KRT35: variants seen among roughly 807,000 people sequenced by gnomAD.
KRT35 encodes keratin, type I cuticular Ha5.
Under a neutral mutation model 42.2 loss-of-function variants are expected in KRT35, and 33 were observed. That is an observed-to-expected ratio of 0.78 (90% CI 0.59 to 1.05). The LOEUF (loss-of-function observed/expected upper bound fraction) is 1.05, where lower values mean the gene tolerates loss of function less well. Among genes scored for constraint, KRT35 ranks in the 50% least tolerant of loss-of-function variants. KRT35 has a pLI of 0.00. For synonymous variants in KRT35, 218 were observed against 238.2 expected, an observed-to-expected ratio of 0.92 and a Z score of 0.78; for missense variants, 585 against 589.2, an observed-to-expected ratio of 0.99 and a Z score of 0.07.
chr17:41,478,936 G>T lies in KRT35; in HGVS notation c.771C>A (p.Ala257=). Residue 257 remains alanine, a synonymous_variant, in exon 4 of 7, where the codon GCC becomes GCA. Transcript: ENST00000246639. ...GDRLNVEVDA[A]PPVDLNRVLE... Reference sequence around the variant, plus strand: ...GAACTCGGTTCAGGTCAACAGGTGGGGCAGCGTCCACCTCAACATTGAGGC... The same window carrying T: ...GAACTCGGTTCAGGTCAACAGGTGGTGCAGCGTCCACCTCAACATTGAGGC... The T allele has an allele frequency of 6.2e-7, 1 of 1,613,916 alleles. No individual in the cohort carries two copies. Among genetic ancestry groups the T allele is most frequent in the South Asian group, 1.1e-5 (1 of 91,066 alleles).
intron 2 of KRT35, 94 bp downstream of exon 2, chr17:41,479,605 C>A (rs2019227396): frequency 6.4e-7 from 1 of 1,565,680 alleles, no homozygotes; most frequent in African/African-American, 1.3e-5. Flanking sequence ...GCTTTTATGC[C>A]CCAATGACAG....
intron 6 of KRT35, 79 bp from the exon 7 acceptor site, chr17:41,477,282 A>T: frequency 6.6e-7 from 1 of 1,516,980 alleles, no homozygotes; most frequent in Non-Finnish European, 9.0e-7. Context: ...GACTATGCAA[A>T]CTGGGAAGCA....
chr17:41,478,720 A>G, intron 4 of KRT35, 114 bp downstream of exon 4: 1 of 1,222,184 alleles, frequency 8.2e-7, no homozygotes, highest in South Asian at 1.5e-5. Flanking sequence ...CCTTGTCAGC[A>G]AGGTCAAAAC....
intron 5 of KRT35, 99 bp from the exon 6 acceptor site, chr17:41,477,837 GC>G: frequency 7.0e-7 from 1 of 1,420,048 alleles, no homozygotes; most frequent in South Asian, 1.4e-5. Flanking sequence ...CTCCGTCTCT[GC>G]CAGGGTGGAT....
intron 4 of KRT35, 101 bp from the exon 5 acceptor site, chr17:41,478,587 G>A (rs551825392): frequency 4.3e-6 from 6 of 1,405,778 alleles, no homozygotes; most frequent in Admixed American, 2.0e-5. Context: ...AGACATTCCC[G>A]ATTCCCCAGT....
chr17:41,479,574 T>A, intron 2 of KRT35, 71 bp from the exon 3 acceptor site: 1 of 1,584,422 alleles, frequency 6.3e-7, no homozygotes, highest in Non-Finnish European at 8.6e-7. Context: ...GCCCTCAGAC[T>A]GTCCAGGTGC....
rs778858586 is a variant in KRT35, at chr17:41,478,400, G to A, written c.960C>T (p.Val320=). The A allele has an allele frequency of 6.2e-7, 1 of 1,614,026 alleles. No homozygotes were observed. The highest frequency in any genetic ancestry group is 1.1e-5 in the South Asian group (1 of 91,068). The change falls in exon 5 of 7, where the codon GTC becomes GTT. Residue 320 remains valine, a synonymous_variant. Coordinates refer to ENST00000246639, the MANE Select transcript of KRT35 (RefSeq NM_002280.6). ...QAEIIELRRT[V]NALEIELQAQ... ...CCTGCAGCTCAATCTCCAGGGCGTT[G>A]ACCGTGCGTCTCAGCTCGATGATCT... is the stretch of plus-strand genomic sequence containing the variant.
rs1468058671 is a variant in KRT35 at position 41,480,823 on chromosome 17, A to T, written c.275T>A (p.Ile92Asn). The change falls in exon 1 of 7, where the codon ATC becomes AAC. Residue 92 changes from isoleucine (I) to asparagine (N), a missense_variant. Ile to Asn is a moderately radical substitution (Grantham distance 149, BLOSUM62 -3). Coordinates refer to ENST00000246639, the MANE Select transcript of KRT35 (RefSeq NM_002280.6). The stretch of plus-strand genomic sequence containing the variant: ...GGTCTCCTTCTCATTGCCAGTGAGG[A>T]TGCCCTCCCCAAACCAGCCCCCACC... The part of the protein sequence containing the change: ...SGGGGWFGEG[I>N]LTGNEKETMQ... The T allele has an allele frequency of 6.2e-7, 1 of 1,614,126 alleles. No homozygotes were observed. Among genetic ancestry groups the T allele is most frequent in the Non-Finnish European group, 8.5e-7 (1 of 1,180,022 alleles).
In KRT35 at chr17:41,480,636, G is replaced by A. The variant is rs751983782; in HGVS notation, c.462C>T (p.Leu154=). The change falls in exon 1 of 7, where the codon CTC becomes CTT. Residue 154 remains leucine (L), a synonymous_variant. Transcript: ENST00000246639. The part of the protein sequence containing the change: ...YQSYFRTIEE[L]QKKTLCSKAE... ...ACTCTGAACCTCTTACCTTCTTCTG[G>A]AGCTCCTCGATGGTCCGGAAGTAGG... The A allele has an allele frequency of 9.7e-5, 157 of 1,612,438 alleles. No individual in the cohort carries two copies. The highest frequency in any genetic ancestry group is 1.3e-4 in the Non-Finnish European group (148 of 1,178,706).
In KRT35 at chr17:41,478,867, G is replaced by A. The variant is rs748419209; in HGVS notation, c.840C>T (p.Asn280=). 10 of 1,613,826 alleles carry A rather than the reference G, an allele frequency of 6.2e-6. No homozygotes were observed. The highest frequency in any genetic ancestry group is 8.5e-6 in the Non-Finnish European group (10 of 1,179,938). The change falls in exon 4 of 7, where the codon AAC becomes AAT. Residue 280 remains asparagine (N), a synonymous_variant. Coordinates refer to ENST00000246639, the MANE Select transcript of KRT35 (RefSeq NM_002280.6). ...CCAACCAGTCTTCAGCATCCCGGCG[G>A]TTATTCTCCACCAGGGTTTCATACT... ...RCQYETLVEN[N]RRDAEDWLDT... is the part of the protein sequence containing the mutation.
chr17:41,478,682 A>G, intron 4 of KRT35, 152 bp downstream of exon 4: 1 of 1,033,300 alleles, frequency 9.7e-7, no homozygotes, highest in Non-Finnish European at 1.4e-6. Flanking sequence ...CCTTGTCAGC[A>G]AGGTCAATTG....
At chr17:41,478,771 C>T in intron 4 of KRT35, 63 bp downstream of exon 4, 1 of 1,495,356 alleles carries the variant, frequency 6.7e-7, no homozygotes, top group South Asian at 1.3e-5. Flanking sequence ...TTCAGAGCCC[C>T]AGGGTCACTT....
At position 41,476,946 on chromosome 17, in the gene KRT35, G is replaced by A. The variant is rs1049055085; in HGVS notation, c.*110C>T. 24 of 1,124,142 alleles carry A rather than the reference G, an allele frequency of 2.1e-5. No homozygotes were observed. The Admixed American group carries it at 4.9e-4, about 23-fold the overall frequency. The allele number at this position is 1,124,142 out of a possible 1,614,324, so 69.6% of individuals were successfully genotyped here. On this transcript the variant is annotated 3_prime_UTR_variant, in exon 7 of 7. Transcript: ENST00000246639. ...AGAAAGCCTTTTCAGCCAGACCCTG[G>A]GCCTGGGCTCTGCGCGAAGAGAGGG...
In KRT35 at chr17:41,478,838, G is replaced by A. The variant is rs759091436; in HGVS notation, c.869C>T (p.Thr290Ile). Residue 290 changes from threonine (T) to isoleucine (I), a missense_variant, in exon 4 of 7, where the codon ACC becomes ATC. Thr to Ile is a moderately conservative substitution (Grantham distance 89, BLOSUM62 -1). Transcript: ENST00000246639. ...TGACTGTTTCCAGGTACCTACCTGG[G>A]TGTCCAACCAGTCTTCAGCATCCCG... ...NRRDAEDWLDTQSEELNQQVV... is the reference protein window; with the variant it reads ...NRRDAEDWLDIQSEELNQQVV... 1.2e-6 allele frequency: 2 copies of A among 1,612,772 alleles called. No homozygotes were observed. Among genetic ancestry groups the A allele is most frequent in the East Asian group, 2.2e-5 (1 of 44,862 alleles).
At chr17:41,479,624 C>A in intron 2 of KRT35, 75 bp downstream of exon 2, 1 of 1,568,866 alleles carries the variant, frequency 6.4e-7, no homozygotes, top group Non-Finnish European at 8.8e-7. Context: ...AGAGTACAGC[C>A]AAAACCCTGA....
chr17:41,477,028 T>C lies in KRT35; in HGVS notation c.*28A>G. ...GGCCAAGTTCAAGCCCTGGAGACAA[T>C]AGCCATGGCCATCTGGGTCACCCGC... On this transcript the variant is annotated 3_prime_UTR_variant, in exon 7 of 7. Transcript: ENST00000246639. The C allele has an allele frequency of 6.5e-7, 1 of 1,533,036 alleles. No homozygotes were observed. Among genetic ancestry groups the C allele is most frequent in the East Asian group, 2.3e-5 (1 of 43,942 alleles). 95.0% of individuals were successfully genotyped at this position (1,533,036 alleles called of 1,614,324 possible). A position where few individuals can be genotyped will look rare whatever the true frequency, so the allele number is the denominator to read the frequency against.
Position 41,476,958 on chromosome 17 carries a change from G to T in KRT35, c.*98C>A. On this transcript the variant is annotated 3_prime_UTR_variant, in exon 7 of 7. Coordinates refer to ENST00000246639, the MANE Select transcript of KRT35 (RefSeq NM_002280.6). The stretch of plus-strand genomic sequence containing the variant: ...CAGCCAGACCCTGGGCCTGGGCTCT[G>T]CGCGAAGAGAGGGGATTGGGCTACA... 8.1e-7 allele frequency: 1 copy of T among 1,230,578 alleles called. No individual in the cohort carries two copies. The highest frequency in any genetic ancestry group is 1.1e-6 in the Non-Finnish European group (1 of 888,192). 76.2% of individuals were successfully genotyped at this position (1,230,578 alleles called of 1,614,324 possible).
chr17:41,478,502 A>G lies in KRT35; in HGVS notation c.874-16T>C, dbSNP rs547359372. The G allele has an allele frequency of 1.9e-6, 3 of 1,611,658 alleles. No homozygotes were observed. The highest frequency in any genetic ancestry group is 2.5e-6 in the Non-Finnish European group (3 of 1,178,384). ...GCTCCTCACTCTGAAACATACACAC[A>G]CAGAACCTGGTCAGCCACACCAGGG... On this transcript the variant is annotated splice_polypyrimidine_tract_variant and intron_variant, in intron 4 of 6. Transcript: ENST00000246639.
At position 41,479,417 on chromosome 17, in the gene KRT35, T is replaced by C; in HGVS notation, c.641A>G (p.Lys214Arg). The C allele has an allele frequency of 1.2e-6, 2 of 1,614,160 alleles. No individual in the cohort carries two copies. Among genetic ancestry groups the C allele is most frequent in the Non-Finnish European group, 1.7e-6 (2 of 1,180,014 alleles). The change falls in exon 3 of 7, where the codon AAG (lysine) becomes AGG (arginine). Residue 214 changes from lysine (K) to arginine (R), a missense_variant. Lys to Arg is a conservative substitution (Grantham distance 26). Transcript: ENST00000246639. ...RRILDDLTLC[K>R]SDLEAQVESL... The stretch of plus-strand genomic sequence containing the variant: ...CTCCACCTGGGCCTCCAGGTCAGAC[T>C]TGCACAGGGTCAGGTCATCCAGGAT...
Sources: allele counts gnomAD v4.1 joint callset, GRCh38; gene constraint gnomAD v4.1.1; transcripts MANE v1.5; gene names NCBI Gene and HGNC (gene_info 2026-07-23, HGNC 2026-07-21).